RARB: variants seen among roughly 807,000 people sequenced by gnomAD.
RARB encodes retinoic acid receptor beta, also known as HBV-activated protein.
A neutral mutation model predicts 51.9 loss-of-function variants in RARB; 17 were observed. The observed-to-expected ratio is 0.33, with a 90% CI of 0.22 to 0.49. The LOEUF is 0.49. RARB is among the 20% of genes least tolerant of loss of function. The pLI, the probability that RARB is intolerant of heterozygous loss-of-function variation, is 0.99. For missense variants in RARB, 369 were observed against 550.8 expected (o/e 0.67, Z 3.30); for synonymous variants, 215 against 195.4 (o/e 1.10, Z -0.84).
chr3:25,331,005 G>T (rs989728151), intron 5 of RARB, among the ~76,000 whole-genome samples: 4 of 152,100 alleles, frequency 2.6e-5, no homozygotes, highest in African/African-American at 9.7e-5. Flanking sequence ...CCCAATACAG[G>T]AGCACCCAGA....
intron 2 of RARB, among the ~76,000 whole-genome samples, chr3:24,988,817 T>C (rs931098707): frequency 6.6e-6 from 1 of 152,132 alleles, no homozygotes; most frequent in Non-Finnish European, 1.5e-5. Context: ...TATTTGTTAT[T>C]ATTTTTATTT....
chr3:25,338,525 C>T (rs1422195478), intron 5 of RARB, among the ~76,000 whole-genome samples: 3 of 152,164 alleles, frequency 2.0e-5, no homozygotes, highest in South Asian at 4.1e-4. Flanking sequence ...GAATCATTTA[C>T]ACTCTCTAGT....
chr3:25,563,947 CTTT>C (rs58611383), intron 3 of RARB, among the ~76,000 whole-genome samples: 25 of 136,978 alleles, frequency 1.8e-4, no homozygotes, highest in Admixed American at 4.3e-4. Context: ...TTGTATTTTC[CTTT>C]TTTTTTTTTT....
intron 5 of RARB, among the ~76,000 whole-genome samples, chr3:25,250,273 G>C (rs1316459178): frequency 6.6e-6 from 1 of 152,202 alleles, no homozygotes; most frequent in Non-Finnish European, 1.5e-5. Context: ...ATGATGCAGG[G>C]CCAGCCTGTG....
At chr3:25,348,544 A>G (rs1705467244) in intron 5 of RARB, among the ~76,000 whole-genome samples, 1 of 152,116 alleles carries the variant, frequency 6.6e-6, no homozygotes, top group East Asian at 1.9e-4. Flanking sequence ...AGTGGGTTTA[A>G]GTAAAAAATA....
chr3:24,894,384 T>C (rs1033871494), intron 2 of RARB, among the ~76,000 whole-genome samples: 2 of 151,886 alleles, frequency 1.3e-5, no homozygotes, highest in African/African-American at 4.8e-5. Flanking sequence ...TCTGTTCCTA[T>C]GTTACTTCAC....
intron 3 of RARB, among the ~76,000 whole-genome samples, chr3:25,070,226 T>C (rs1698741513): frequency 6.6e-6 from 1 of 152,160 alleles, no homozygotes; most frequent in African/African-American, 2.4e-5. Flanking sequence ...TCATATTAGA[T>C]TAGAGGCCCA....
chr3:25,414,345 C>T (rs901606782), intron 5 of RARB, among the ~76,000 whole-genome samples: 4 of 152,128 alleles, frequency 2.6e-5, no homozygotes, highest in African/African-American at 4.8e-5. Flanking sequence ...TGGGTTGCTT[C>T]CAGTTTGGGG....
chr3:25,441,952 A>G (rs1708704975), intron 1 of RARB, among the ~76,000 whole-genome samples: 2 of 152,146 alleles, frequency 1.3e-5, no homozygotes, highest in African/African-American at 4.8e-5. Flanking sequence ...AATATACTCG[A>G]TATCAGTGCC....
At chr3:25,103,006 C>T (rs534573477) in intron 3 of RARB, among the ~76,000 whole-genome samples, 54 of 152,228 alleles carry the variant, frequency 3.5e-4, no homozygotes, top group Middle Eastern at 3.4e-3. Context: ...GCCGAGAGTG[C>T]GCCACTGCAC....
At chr3:25,193,399 A>C (rs1397875393) in intron 5 of RARB, among the ~76,000 whole-genome samples, 1 of 152,112 alleles carries the variant, frequency 6.6e-6, no homozygotes, top group African/African-American at 2.4e-5. Flanking sequence ...CTGAAGTAAA[A>C]AGATAGGAAC....
intron 1 of RARB, among the ~76,000 whole-genome samples, chr3:25,444,163 G>T (rs1374441173): frequency 6.6e-6 from 1 of 152,134 alleles, no homozygotes; most frequent in East Asian, 1.9e-4. Context: ...GAAAGGCCCT[G>T]TTATCCCCAC....
At chr3:25,423,969 C>T (rs771034513), upstream of RARB, among the ~76,000 whole-genome samples, 8 of 152,082 alleles carry the variant, frequency 5.3e-5, no homozygotes, top group Non-Finnish European at 8.8e-5. Context: ...GAGTCATCGA[C>T]GGCAGAAAGC....
At chr3:25,560,287 A>T (rs180894648) in intron 3 of RARB, among the ~76,000 whole-genome samples, 8 of 152,316 alleles carry the variant, frequency 5.3e-5, no homozygotes, top group Admixed American at 2.0e-4. Flanking sequence ...TAACTATGTG[A>T]TATAAACACC....
chr3:25,170,146 G>A (rs2117971), intron 4 of RARB, among the ~76,000 whole-genome samples: 2,084 of 152,250 alleles, frequency 0.014, 48 homozygotes, highest in African/African-American at 0.048. Context: ...TCATCAGGCT[G>A]TCTGTCTTTA....
intron 4 of RARB, among the ~76,000 whole-genome samples, chr3:25,145,577 T>C (rs1350129679): frequency 6.6e-6 from 1 of 152,184 alleles, no homozygotes; most frequent in Non-Finnish European, 1.5e-5. Context: ...TCCTGTTCAG[T>C]CTGATTGTTC....
At position 25,230,248 on chromosome 3, in the gene RARB, G is replaced by A. The variant is rs111673976; in HGVS notation, c.178+55673G>A. ...ATTATTGCATCTTCCCCCTAAAACC[G>A]AACATACTTATTCTCTGAACATGTC... On this transcript the variant is annotated intron_variant, in intron 5 of 11. Coordinates refer to the RARB transcript ENST00000383772. 5.8e-3 allele frequency among the ~76,000 whole-genome samples: 884 copies of A among 152,052 alleles called. 14 individuals are homozygous for A. Among genetic ancestry groups the A allele is most frequent in the African/African-American group, 0.019 (773 of 41,468 alleles).
intron 5 of RARB, among the ~76,000 whole-genome samples, chr3:25,178,542 A>G (rs1700801321): frequency 6.6e-6 from 1 of 151,258 alleles, no homozygotes; most frequent in Non-Finnish European, 1.5e-5. Context: ...GAGACCCCAG[A>G]GCGCATGCCT....
intron 2 of RARB, among the ~76,000 whole-genome samples, 161 bp downstream of exon 2, chr3:25,461,502 CTT>C (rs1695180074): frequency 2.6e-5 from 4 of 152,190 alleles, no homozygotes; most frequent in Admixed American, 2.6e-4. Flanking sequence ...CCTTATATAT[CTT>C]TGGTTTAAAA....
Sources: allele counts gnomAD v4.1 joint callset (sites outside exome capture counted in the v4.1 genomes callset), GRCh38; gene constraint gnomAD v4.1.1; transcripts MANE v1.5; gene names NCBI Gene and HGNC (gene_info 2026-07-23, HGNC 2026-07-21).